The following LRRN2 variants were observed in gnomAD, a reference collection of about 807,000 sequenced individuals.
The protein encoded by LRRN2 is leucine rich repeat neuronal 2.
Under a neutral mutation model 35.7 loss-of-function variants are expected in LRRN2, and 10 were observed. The observed-to-expected ratio is 0.28, with a 90% CI of 0.17 to 0.47. The LOEUF (loss-of-function observed/expected upper bound fraction) is 0.47. Among genes scored for constraint, LRRN2 ranks in the 20% least tolerant of loss-of-function variants. The pLI is 0.99. For synonymous variants in LRRN2, 391 were observed against 409.6 expected (o/e 0.95, Z 0.55); for missense variants, 731 against 940.3 (o/e 0.78, Z 2.91).
intron 1 of LRRN2, among the ~76,000 whole-genome samples, chr1:204,669,887 G>A (rs1324192972): frequency 6.6e-6 from 1 of 152,200 alleles, no homozygotes; most frequent in Non-Finnish European, 1.5e-5. Context: ...AGTGTTGAGA[G>A]TACAACATAA....
intron 1 of LRRN2, among the ~76,000 whole-genome samples, chr1:204,667,222 C>T (rs1310751452): frequency 2.6e-5 from 4 of 151,954 alleles, no homozygotes; most frequent in Non-Finnish European, 4.4e-5. Flanking sequence ...GGTGAAATTC[C>T]GATAAACTCT....
At chr1:204,641,926 G>A (rs1301185647) in intron 1 of LRRN2, among the ~76,000 whole-genome samples, 2 of 152,240 alleles carry the variant, frequency 1.3e-5, no homozygotes, top group African/African-American at 2.4e-5. Flanking sequence ...AATGCTGCAG[G>A]AGCTATGCAC....
At chr1:204,638,936 C>CGT (rs1417330982) in intron 1 of LRRN2, among the ~76,000 whole-genome samples, 1 of 152,246 alleles carries the variant, frequency 6.6e-6, no homozygotes, top group African/African-American at 2.4e-5. Context: ...TTGGGGGCTC[C>CGT]GTGAGCCTGC....
At chr1:204,640,693 G>A (rs1183959645) in intron 1 of LRRN2, among the ~76,000 whole-genome samples, 1 of 152,070 alleles carries the variant, frequency 6.6e-6, no homozygotes, top group Non-Finnish European at 1.5e-5. Context: ...GTTTCCATGA[G>A]GTTCTGGGAT....
chr1:204,653,177 T>C (rs112568289), intron 1 of LRRN2, among the ~76,000 whole-genome samples: 3,236 of 152,356 alleles, frequency 0.021, 101 homozygotes, highest in African/African-American at 0.06. Flanking sequence ...ACTTTTGCAC[T>C]AGCCTAATAT....
intron 1 of LRRN2, among the ~76,000 whole-genome samples, chr1:204,645,502 G>T (rs545248661): frequency 6.6e-6 from 1 of 152,126 alleles, no homozygotes; most frequent in East Asian, 1.9e-4. Context: ...GGTTTAGGTC[G>T]ACAAGGCACT....
Position 204,619,525 on chromosome 1 carries a change from G to A in LRRN2, c.468C>T (p.Ile156=), listed in dbSNP as rs748386765. 30 of 1,614,128 alleles carry A rather than the reference G, an allele frequency of 1.9e-5. No homozygotes were observed. Among genetic ancestry groups the A allele is most frequent in the Non-Finnish European group, 2.1e-5 (25 of 1,180,052 alleles). ...LYLNHNQLYR[I]APRAFSGLSN... is the part of the protein sequence containing the mutation. The stretch of plus-strand genomic sequence containing the variant: ...TGAGGCCAGAAAAGGCCCTGGGGGC[G>A]ATGCGGTAGAGCTGGTTGTGGTTGA... The change falls in exon 2 of 2, where the codon ATC becomes ATT. Residue 156 remains isoleucine (I), a synonymous_variant. Transcript: ENST00000367177.
At chr1:204,634,053 A>C (rs2102595981) in intron 1 of LRRN2, among the ~76,000 whole-genome samples, 1 of 152,368 alleles carries the variant, frequency 6.6e-6, no homozygotes, top group East Asian at 1.9e-4. Flanking sequence ...TAATTCAATG[A>C]CTGCGGCAAG....
chr1:204,681,756 C>T (rs1222805752), intron 1 of LRRN2, among the ~76,000 whole-genome samples: 3 of 152,230 alleles, frequency 2.0e-5, no homozygotes, highest in Admixed American at 2.0e-4. Context: ...GCCACGGAGA[C>T]CCAGGCCCCG....
chr1:204,623,467 C>T (rs1351732956), intron 1 of LRRN2, among the ~76,000 whole-genome samples: 1 of 152,198 alleles, frequency 6.6e-6, no homozygotes, highest in African/African-American at 2.4e-5. Context: ...GAGGCAGTGA[C>T]TTGATGACTC....
intron 1 of LRRN2, among the ~76,000 whole-genome samples, chr1:204,640,846 A>T (rs1667959782): frequency 6.6e-6 from 1 of 152,052 alleles, no homozygotes; most frequent in South Asian, 2.1e-4. Flanking sequence ...GTTGCAGGGG[A>T]AGCAAAAAGG....
chr1:204,673,858 T>C (rs1390974583), intron 1 of LRRN2, among the ~76,000 whole-genome samples: 2 of 152,048 alleles, frequency 1.3e-5, no homozygotes, highest in Non-Finnish European at 2.9e-5. Context: ...GCTTGGTTCT[T>C]TGAGTGTGTG....
At chr1:204,678,398 C>G (rs1162731136) in intron 1 of LRRN2, among the ~76,000 whole-genome samples, 1 of 152,194 alleles carries the variant, frequency 6.6e-6, no homozygotes, top group Admixed American at 6.5e-5. Flanking sequence ...CCAGGCAGCA[C>G]TTCCTGACTA....
At chr1:204,674,262 AC>A (rs1668774000) in intron 1 of LRRN2, among the ~76,000 whole-genome samples, 1 of 149,818 alleles carries the variant, frequency 6.7e-6, no homozygotes, top group South Asian at 2.1e-4. Flanking sequence ...CCAAAATCTG[AC>A]CCACCCCCCA....
At chr1:204,661,261 C>T (rs371583927) in intron 1 of LRRN2, among the ~76,000 whole-genome samples, 15 of 152,268 alleles carry the variant, frequency 9.9e-5, no homozygotes, top group Middle Eastern at 3.4e-3. Flanking sequence ...ACTAGGTCTA[C>T]GCTGCTAGAA....
At chr1:204,627,703 A>G (rs1667503158) in intron 1 of LRRN2, among the ~76,000 whole-genome samples, 1 of 152,264 alleles carries the variant, frequency 6.6e-6, no homozygotes. Context: ...TCCAGGCTGC[A>G]TCTCACTGCC....
Position 204,619,801 on chromosome 1 carries a change from G to C in LRRN2, c.192C>G (p.Pro64=). The stretch of plus-strand genomic sequence containing the variant: ...TCTGTGTGCCTGCGGGGAGTGCCGG[G>C]GGGACTGCCGTCAGGAATAGGTCAT... ...DCNDLFLTAV[P]PALPAGTQTL... is the part of the protein sequence containing the mutation. Residue 64 remains proline, a synonymous_variant, in exon 2 of 2, where the codon CCC becomes CCG. Coordinates refer to ENST00000367177, the MANE Select transcript of LRRN2 (RefSeq NM_201630.2). 1.9e-6 allele frequency: 3 copies of C among 1,614,110 alleles called. No individual in the cohort carries two copies. The highest frequency in any genetic ancestry group is 2.2e-5 in the East Asian group (1 of 44,878).
chr1:204,656,092 G>A (rs562600681), intron 1 of LRRN2, among the ~76,000 whole-genome samples: 2 of 151,994 alleles, frequency 1.3e-5, no homozygotes, highest in East Asian at 1.9e-4. Flanking sequence ...CGTATTTTTA[G>A]TAGAGACGGG....
Position 204,623,977 on chromosome 1 carries a change from T to C in LRRN2, c.-226-3759A>G, listed in dbSNP as rs115991600. ...ACTGAGAGTCAGAAACGTTAGGTGATTCATCAGAGGTTGCACAGCTTCTAT... is the reference window on the plus strand; with the variant it reads ...ACTGAGAGTCAGAAACGTTAGGTGACTCATCAGAGGTTGCACAGCTTCTAT... On this transcript the variant is annotated intron_variant, in intron 1 of 1. Coordinates refer to ENST00000367177, the MANE Select transcript of LRRN2 (RefSeq NM_201630.2). 2.9e-3 allele frequency among the ~76,000 whole-genome samples: 437 copies of C among 152,332 alleles called. 1 individual carries two copies. Among genetic ancestry groups the C allele is most frequent in the African/African-American group, 9.9e-3 (410 of 41,578 alleles).
Sources: allele counts gnomAD v4.1 joint callset (sites outside exome capture counted in the v4.1 genomes callset), GRCh38; gene constraint gnomAD v4.1.1; transcripts MANE v1.5; gene names NCBI Gene and HGNC (gene_info 2026-07-23, HGNC 2026-07-21).